The following TAOK3 variants were observed in gnomAD, a reference collection of about 807,000 sequenced individuals.
The protein encoded by TAOK3 is TAO kinase 3.
A neutral mutation model predicts 120.4 loss-of-function variants in TAOK3; 40 were observed. The ratio of observed to expected loss-of-function variants is 0.33; its 90% CI spans 0.26 to 0.43. The LOEUF (loss-of-function observed/expected upper bound fraction) is 0.43. TAOK3 is among the 20% of genes least tolerant of loss of function. The probability of loss-of-function intolerance (pLI) is 1.00; values close to 1 mark genes in which losing one functional copy is unlikely to be tolerated. For synonymous variants in TAOK3, 355 were observed against 387.5 expected (o/e 0.92, Z 0.99); for missense variants, 821 against 1,112.1 (o/e 0.74, Z 3.72).
intron 1 of TAOK3, among the ~76,000 whole-genome samples, chr12:118,336,034 T>C (rs748014985): frequency 6.6e-6 from 1 of 152,310 alleles, no homozygotes. Context: ...AAATTGTATA[T>C]AGTTTTAATA....
intron 2 of TAOK3, among the ~76,000 whole-genome samples, chr12:118,257,100 G>A (rs999800683): frequency 1.3e-5 from 2 of 152,104 alleles, no homozygotes; most frequent in Non-Finnish European, 2.9e-5. Flanking sequence ...AACCAACTAA[G>A]ACTTTGATGG....
In TAOK3 at chr12:118,160,116, G is replaced by C; in HGVS notation, c.2352+30C>G. On this transcript the variant is annotated intron_variant, in intron 19 of 20. Coordinates refer to ENST00000392533, the MANE Select transcript of TAOK3 (RefSeq NM_016281.4). The surrounding 1 kb of genome is among the most constrained non-coding windows in gnomAD (Gnocchi z 4.2). ...GATTTTCTTGATTCCCAAAGCTCTC[G>C]AAGCCGTGGCACCAAACCTAACCAC... 1 of 1,548,428 alleles carries C rather than the reference G, an allele frequency of 6.5e-7. No individual in the cohort carries two copies. Among genetic ancestry groups the C allele is most frequent in the Non-Finnish European group, 8.9e-7 (1 of 1,120,656 alleles).
intron 15 of TAOK3, among the ~76,000 whole-genome samples, chr12:118,180,233 C>T (rs1273601039): frequency 6.6e-6 from 1 of 151,386 alleles, no homozygotes; most frequent in East Asian, 1.9e-4. Flanking sequence ...CAGGCGTGAG[C>T]CACTGTGCCT....
At chr12:118,346,409 A>T (rs1317662693) in intron 1 of TAOK3, among the ~76,000 whole-genome samples, 2 of 152,246 alleles carry the variant, frequency 1.3e-5, no homozygotes, top group Non-Finnish European at 2.9e-5. Context: ...TGAAATGAAT[A>T]ATTGTACAGT....
At chr12:118,204,042 G>A (rs1049126958) in intron 11 of TAOK3, among the ~76,000 whole-genome samples, 1 of 152,090 alleles carries the variant, frequency 6.6e-6, no homozygotes, top group Non-Finnish European at 1.5e-5. Flanking sequence ...GAGGCAGGCT[G>A]ATCACTTGAG....
At chr12:118,229,784 A>T in intron 9 of TAOK3, among the ~76,000 whole-genome samples, 1 of 152,032 alleles carries the variant, frequency 6.6e-6, no homozygotes, top group Non-Finnish European at 1.5e-5. Context: ...ACAAAAAATT[A>T]GCCAGGCGTG....
intron 14 of TAOK3, among the ~76,000 whole-genome samples, chr12:118,188,749 T>C (rs1482869290): frequency 6.6e-6 from 1 of 152,234 alleles, no homozygotes; most frequent in Non-Finnish European, 1.5e-5. Flanking sequence ...GATGATGTCA[T>C]CATAGGTTCT....
chr12:118,228,783 G>A (rs559690966), intron 9 of TAOK3, among the ~76,000 whole-genome samples: 40 of 152,204 alleles, frequency 2.6e-4, no homozygotes, highest in Middle Eastern at 6.8e-3. Context: ...TTTATTATTC[G>A]AGGACTTGAA....
Position 118,327,189 on chromosome 12 carries a change from C to T in TAOK3, c.-194+45459G>A, listed in dbSNP as rs148494718. 4.9e-4 allele frequency among the ~76,000 whole-genome samples: 74 copies of T among 152,288 alleles called. No individual in the cohort carries two copies. In the East Asian group the frequency reaches 0.014, roughly 28 times the overall value. ...CTGGTTTTAATAATAAAAGCCACTACTAACTCCACCCTATCACCACCATCT... is the reference window on the plus strand; with the variant it reads ...CTGGTTTTAATAATAAAAGCCACTATTAACTCCACCCTATCACCACCATCT... On this transcript the variant is annotated intron_variant, in intron 1 of 20. Coordinates refer to ENST00000392533, the MANE Select transcript of TAOK3 (RefSeq NM_016281.4).
chr12:118,336,011 G>A (rs1205412893), intron 1 of TAOK3, among the ~76,000 whole-genome samples: 3 of 152,086 alleles, frequency 2.0e-5, no homozygotes, highest in South Asian at 2.1e-4. Context: ...TAGAAAAGAC[G>A]TCAATTATCC....
intron 1 of TAOK3, among the ~76,000 whole-genome samples, chr12:118,333,304 A>T (rs896207213): frequency 2.6e-5 from 4 of 152,246 alleles, no homozygotes; most frequent in African/African-American, 9.6e-5. Flanking sequence ...ATCATAATGA[A>T]ATCAAACTAG....
At chr12:118,317,026 G>A (rs2043490815) in intron 1 of TAOK3, among the ~76,000 whole-genome samples, 1 of 152,046 alleles carries the variant, frequency 6.6e-6, no homozygotes, top group African/African-American at 2.4e-5. Flanking sequence ...CATTTGGGAG[G>A]CCAAGGTGGG....
intron 9 of TAOK3, among the ~76,000 whole-genome samples, chr12:118,219,739 C>T (rs1416501274): frequency 7.1e-5 from 10 of 140,150 alleles, no homozygotes. Flanking sequence ...GGATTATAGG[C>T]ATGAGCCATT....
chr12:118,304,707 G>T (rs1212126018), intron 1 of TAOK3, among the ~76,000 whole-genome samples: 1 of 152,148 alleles, frequency 6.6e-6, no homozygotes, highest in East Asian at 1.9e-4. Context: ...GTCCTAATTT[G>T]TGATGTTTTT....
At chr12:118,306,020 C>A (rs927087206) in intron 1 of TAOK3, among the ~76,000 whole-genome samples, 1 of 151,044 alleles carries the variant, frequency 6.6e-6, no homozygotes, top group Non-Finnish European at 1.5e-5. Flanking sequence ...CAGATATTTA[C>A]AAGAGGACAC....
intron 13 of TAOK3, among the ~76,000 whole-genome samples, chr12:118,191,875 C>T (rs1173245778): frequency 6.6e-6 from 1 of 152,130 alleles, no homozygotes; most frequent in African/African-American, 2.4e-5. Flanking sequence ...AGGTAGAGGC[C>T]TGTGATTTTA....
intron 17 of TAOK3, among the ~76,000 whole-genome samples, chr12:118,166,861 C>T (rs1398289047): frequency 2.0e-5 from 3 of 151,464 alleles, no homozygotes; most frequent in Non-Finnish European, 1.5e-5. Context: ...CACACACACA[C>T]ACACACACAC....
chr12:118,161,767 G>T lies in TAOK3; in HGVS notation c.2139+21C>A. The T allele has an allele frequency of 6.2e-7, 1 of 1,613,744 alleles. No homozygotes were observed. Among genetic ancestry groups the T allele is most frequent in the Admixed American group, 1.7e-5 (1 of 60,018 alleles). ...GAAACCACTGATCTGGTCCAACACT[G>T]TCCAGCAGCACAAATCTTACCTTTA... On this transcript the variant is annotated intron_variant, in intron 18 of 20. Coordinates refer to ENST00000392533, the MANE Select transcript of TAOK3 (RefSeq NM_016281.4). The surrounding 1 kb of genome is among the most constrained non-coding windows in gnomAD (Gnocchi z 4.5).
chr12:118,212,987 G>A lies in TAOK3; in HGVS notation c.746C>T (p.Ser249Phe). 4 of 1,610,720 alleles carry A rather than the reference G, an allele frequency of 2.5e-6. No homozygotes were observed. Among genetic ancestry groups the A allele is most frequent in the Non-Finnish European group, 3.4e-6 (4 of 1,178,664 alleles). The change falls in exon 11 of 21, where the codon TCC becomes TTC. Residue 249 changes from serine (S) to phenylalanine (F), a missense_variant. By Grantham distance (155) the Ser-to-Phe change is radical. This residue lies in a region of TAOK3 where 467 missense variants were observed against 540.0 expected (regional missense o/e 0.86). Transcript: ENST00000392533. ...GCAGTAATCAACAAATCTCCTAAAG[G>A]AGTCTGTCCTGTGTGTGCAAATACA... ...PTLQSNEWTD[S>F]FRRFVDYCLQ... is the part of the protein sequence containing the mutation.
Sources: gnomAD v4.1 joint callset for allele counts (sites outside exome capture counted in the v4.1 genomes callset) on GRCh38, gnomAD v4.1.1 for gene constraint, gnomAD v4.1.1 regional missense constraint, Gnocchi (gnomAD v3.1) non-coding constraint, MANE v1.5 for transcripts, NCBI Gene and HGNC (gene_info 2026-07-23, HGNC 2026-07-21) for gene names.